UTP20: variants seen among roughly 807,000 people sequenced by gnomAD.
The protein encoded by UTP20 is UTP20 small subunit processome component.
UTP20 carries 164 observed loss-of-function variants against 329.5 expected under a neutral mutation model. The observed-to-expected ratio is 0.50, with a 90% CI of 0.44 to 0.57. The LOEUF is 0.57. Ranked by LOEUF, UTP20 falls within the 20% of genes least tolerant of loss-of-function variation. The pLI, the probability that UTP20 is intolerant of heterozygous loss-of-function variation, is 0.00. For synonymous variants in UTP20, 1,151 were observed against 1,159.3 expected (o/e 0.99, Z 0.14); for missense variants, 3,055 against 3,284.2 (o/e 0.93, Z 1.71).
At chr12:101,311,474 C>T (rs796114025) in intron 19 of UTP20, among the ~76,000 whole-genome samples, 10 of 152,234 alleles carry the variant, frequency 6.6e-5, no homozygotes, top group African/African-American at 2.2e-4. Flanking sequence ...AAATGATTTT[C>T]TCTTAAGGAT....
Position 101,291,746 on chromosome 12 carries a change from C to T in UTP20, c.896C>T (p.Ser299Leu), listed in dbSNP as rs146584077. ...FGTFFECLQE[S>L]LLDLHTKVTK... Reference sequence around the variant, plus strand: ...TGTTAAATTCTTTGTTTGCAGGAATCGCTCTTGGATCTACACACAAAAGTA... The same window carrying T: ...TGTTAAATTCTTTGTTTGCAGGAATTGCTCTTGGATCTACACACAAAAGTA... Residue 299 changes from serine to leucine, a missense_variant, in exon 9 of 62, where the codon TCG (serine) becomes TTG (leucine). Ser to Leu is a moderately radical substitution (Grantham distance 145, BLOSUM62 -2). Transcript: ENST00000261637. 2.2e-3 allele frequency: 3,408 copies of T among 1,530,242 alleles called. 5 individuals are homozygous for T. Among genetic ancestry groups the T allele is most frequent in the Non-Finnish European group, 2.6e-3 (2,990 of 1,142,962 alleles). The allele number at this position is 1,530,242 out of a possible 1,614,324, so 94.8% of individuals were successfully genotyped here.
chr12:101,349,278 A>G (rs1263876244), intron 38 of UTP20, among the ~76,000 whole-genome samples: 1 of 148,858 alleles, frequency 6.7e-6, no homozygotes, highest in African/African-American at 2.5e-5. Flanking sequence ...GCATCTCTTT[A>G]CCTTTGGTTT....
chr12:101,341,657 C>T (rs193129633), intron 32 of UTP20, among the ~76,000 whole-genome samples: 16 of 152,196 alleles, frequency 1.1e-4, no homozygotes, highest in African/African-American at 3.1e-4. Context: ...CTGTAATCCC[C>T]GCACTTTGGG....
chr12:101,300,171 C>A (rs1872481949), intron 14 of UTP20, 110 bp downstream of exon 14: 1 of 1,053,072 alleles, frequency 9.5e-7, no homozygotes, highest in Non-Finnish European at 1.4e-6. Flanking sequence ...TCTGGCATAA[C>A]CCCCTGGATG....
intron 8 of UTP20, chr12:101,291,483 T>C: frequency 4.9e-6 from 1 of 203,566 alleles, no homozygotes; most frequent in Non-Finnish European, 9.0e-6. Flanking sequence ...GAGGTTGCGG[T>C]GAGCAAAGAT....
chr12:101,347,216 AATTATTG>A (rs766305382), intron 38 of UTP20, among the ~76,000 whole-genome samples: 43 of 152,186 alleles, frequency 2.8e-4, no homozygotes, highest in Non-Finnish European at 5.7e-4. Context: ...CTAGATAAGT[AATTATTG>A]ATTAAAAAGA....
intron 56 of UTP20, among the ~76,000 whole-genome samples, chr12:101,377,152 A>C (rs1439246276): frequency 6.6e-6 from 1 of 152,210 alleles, no homozygotes; most frequent in Non-Finnish European, 1.5e-5. Flanking sequence ...CAGAACTCAG[A>C]TTTGTGAGAA....
rs1565806957 is a variant in UTP20, at chr12:101,369,868, C to T, written c.6532C>T (p.His2178Tyr). 2.5e-5 allele frequency: 41 copies of T among 1,613,758 alleles called. No homozygotes were observed. The highest frequency in any genetic ancestry group is 3.3e-5 in the Non-Finnish European group (39 of 1,179,900). The change falls in exon 49 of 62, where the codon CAC (histidine) becomes TAC (tyrosine). Residue 2178 changes from histidine (H) to tyrosine (Y), a missense_variant. Physicochemically the swap from His to Tyr is moderately conservative, Grantham distance 83. This residue lies in a region of UTP20 where 2,445 missense variants were observed against 2,575.5 expected (regional missense o/e 0.95). Transcript: ENST00000261637. ...CGGGGCCGCCAGGGGCCAGAACTTC[C>T]ACCTTGTGGTCAATTGTTTCAAGGT... ...KLGAARGQNF[H>Y]LVVNCFKCVT...
intron 40 of UTP20, 103 bp downstream of exon 40, chr12:101,353,232 C>A: frequency 1.5e-6 from 1 of 674,924 alleles, no homozygotes; most frequent in Non-Finnish European, 2.4e-6. Context: ...CCTTTGTCTG[C>A]TCTTACTAGC....
intron 17 of UTP20, 107 bp downstream of exon 17, chr12:101,306,868 T>C: frequency 8.6e-7 from 1 of 1,160,092 alleles, no homozygotes; most frequent in East Asian, 2.7e-5. Flanking sequence ...TATATAAATA[T>C]CTGTCGTAAA....
chr12:101,282,685 G>T (rs1247969030), intron 2 of UTP20, among the ~76,000 whole-genome samples: 1 of 152,218 alleles, frequency 6.6e-6, no homozygotes, highest in Non-Finnish European at 1.5e-5. Flanking sequence ...GTGGAGAAAA[G>T]AGCAGGACTG....
At chr12:101,293,532 CT>C (rs1342047811) in intron 11 of UTP20, among the ~76,000 whole-genome samples, 3 of 152,106 alleles carry the variant, frequency 2.0e-5, no homozygotes, top group Non-Finnish European at 4.4e-5. Context: ...ACAATTTGCA[CT>C]GGTGGAAGTT....
chr12:101,317,829 T>G (rs1406343097), intron 22 of UTP20, among the ~76,000 whole-genome samples, 166 bp downstream of exon 22: 3 of 152,160 alleles, frequency 2.0e-5, no homozygotes, highest in African/African-American at 7.2e-5. Context: ...GCTTCCAAGT[T>G]TTTTGGTTGA....
intron 3 of UTP20, 38 bp from the exon 4 acceptor site, chr12:101,285,711 G>A (rs1404607371): frequency 1.9e-6 from 3 of 1,613,128 alleles, no homozygotes; most frequent in Non-Finnish European, 2.5e-6. Context: ...GAATAGTGGT[G>A]TGATAGAAAA....
intron 27 of UTP20, among the ~76,000 whole-genome samples, chr12:101,331,885 TG>T (rs1289074115): frequency 2.6e-5 from 4 of 152,024 alleles, no homozygotes; most frequent in Non-Finnish European, 5.9e-5. Context: ...TTCTCCCATT[TG>T]TTTTTTTTTT....
chr12:101,284,827 A>G lies in UTP20; in HGVS notation c.127-743A>G, dbSNP rs185115838. On this transcript the variant is annotated intron_variant, in intron 2 of 61. Coordinates refer to ENST00000261637, the MANE Select transcript of UTP20 (RefSeq NM_014503.3). ...GTTCAGTATAGTTGTATTCTTCCAT[A>G]CTGTCCTCTCATGTTCGTATGTACA... is the stretch of plus-strand genomic sequence containing the variant. Among the ~76,000 whole-genome samples the G allele has an allele frequency of 1.4e-4, 22 of 152,246 alleles. No homozygotes were observed. In the East Asian group the frequency reaches 3.9e-3, roughly 27 times the overall value.
At chr12:101,341,177 C>T (rs147839101) in intron 32 of UTP20, among the ~76,000 whole-genome samples, 134 of 151,992 alleles carry the variant, frequency 8.8e-4, no homozygotes, top group African/African-American at 3.0e-3. Context: ...GGGGTTTCAC[C>T]GTGTTGGCCA....
At chr12:101,329,772 G>A (rs1307114505) in intron 27 of UTP20, among the ~76,000 whole-genome samples, 1 of 152,128 alleles carries the variant, frequency 6.6e-6, no homozygotes, top group Non-Finnish European at 1.5e-5. Context: ...GGGAGGCCAA[G>A]GTGGGAGGAT....
In UTP20 at chr12:101,282,386, G is replaced by T. The variant is rs536509734; in HGVS notation, c.126+1190G>T. 3.3e-5 allele frequency among the ~76,000 whole-genome samples: 5 copies of T among 152,292 alleles called. No individual in the cohort carries two copies. In the South Asian group the frequency reaches 1.0e-3, roughly 32 times the overall value. ...GGCTGAGGGAGAAGCCTATATAAAG[G>T]AACAGAAGCTAGAGAATGCATGTCA... On this transcript the variant is annotated intron_variant, in intron 2 of 61. Coordinates refer to ENST00000261637, the MANE Select transcript of UTP20 (RefSeq NM_014503.3).
Sources: gnomAD v4.1 joint callset for allele counts (sites outside exome capture counted in the v4.1 genomes callset) on GRCh38, gnomAD v4.1.1 for gene constraint, gnomAD v4.1.1 regional missense constraint, MANE v1.5 for transcripts, NCBI Gene and HGNC (gene_info 2026-07-23, HGNC 2026-07-21) for gene names.